The following CACNA1B variants were observed in gnomAD, a reference collection of about 807,000 sequenced individuals.
CACNA1B encodes voltage-dependent N-type calcium channel subunit alpha-1B.
CACNA1B carries 70 observed loss-of-function variants against 247.2 expected under a neutral mutation model. The observed-to-expected ratio is 0.28, with a 90% confidence interval of 0.23 to 0.35. The LOEUF (loss-of-function observed/expected upper bound fraction) is 0.35, where lower values mean the gene tolerates loss of function less well. Ranked by LOEUF, CACNA1B falls within the 10% of genes least tolerant of loss-of-function variation. The probability of loss-of-function intolerance (pLI) is 1.00; values close to 1 mark genes in which losing one functional copy is unlikely to be tolerated. For synonymous variants in CACNA1B, 1,231 were observed against 1,294.4 expected (o/e 0.95, Z 1.05); for missense variants, 2,367 against 3,197.4 (o/e 0.74, Z 6.26).
Position 138,074,074 on chromosome 9 carries a change from C to A in CACNA1B, c.4857+8C>A. ...GCCATCATCGGCATGCAGGTGGGTG[C>A]TCCCCTTTGGGACAGAGCGTGGTTC... On this transcript the variant is annotated splice_region_variant and intron_variant, in intron 34 of 46. Transcript: ENST00000371372. The A allele has an allele frequency of 6.2e-7, 1 of 1,609,300 alleles. No individual in the cohort carries two copies. Among genetic ancestry groups the A allele is most frequent in the Non-Finnish European group, 8.5e-7 (1 of 1,177,044 alleles).
chr9:137,912,484 A>G (rs1421734399), intron 3 of CACNA1B, among the ~76,000 whole-genome samples: 1 of 152,332 alleles, frequency 6.6e-6, no homozygotes, highest in East Asian at 1.9e-4. Context: ...AGAGCTCAAG[A>G]TAAGGAAGTG....
rs545357831 is a variant in CACNA1B at position 138,073,311 on chromosome 9, A to T, written c.4675-177A>T. On this transcript the variant is annotated intron_variant, in intron 32 of 46. Transcript: ENST00000371372. This position sits in a 1 kb window ranked among gnomAD's most constrained non-coding sequence, Gnocchi z 6.4. The stretch of plus-strand genomic sequence containing the variant: ...TTGCAAGGACAAGCTTTACTTCTGG[A>T]AGATTTTCTGGTGGCCGATTGCTGC... Among the ~76,000 whole-genome samples, 299 of 152,296 alleles carry T rather than the reference A, an allele frequency of 2.0e-3. No individual in the cohort carries two copies. The highest frequency in any genetic ancestry group is 3.1e-3 in the Non-Finnish European group (214 of 68,018).
intron 3 of CACNA1B, among the ~76,000 whole-genome samples, chr9:137,896,238 CAAAAAAAAAAAA>C (rs34505431): frequency 1.4e-5 from 1 of 69,768 alleles, no homozygotes; most frequent in African/African-American, 5.8e-5. Context: ...GACTCTGTCT[CAAAAAAAAAAAA>C]AAAAAAAAAA....
chr9:137,998,087 G>C (rs1958520727), intron 15 of CACNA1B, among the ~76,000 whole-genome samples: 1 of 152,132 alleles, frequency 6.6e-6, no homozygotes, highest in Non-Finnish European at 1.5e-5. Flanking sequence ...ACCAAATTCA[G>C]GACACAGTTT....
At chr9:138,000,334 G>A (rs7022795) in intron 15 of CACNA1B, among the ~76,000 whole-genome samples, 56,302 of 151,890 alleles carry the variant, frequency 0.37, 14,711 homozygotes, top group African/African-American at 0.73. Context: ...TCCTGACCTC[G>A]TGATCAGCCC....
chr9:137,998,616 T>G (rs1451358661), intron 15 of CACNA1B, among the ~76,000 whole-genome samples: 1 of 152,114 alleles, frequency 6.6e-6, no homozygotes, highest in African/African-American at 2.4e-5. Flanking sequence ...AGCTCATGTA[T>G]TAATATCAGC....
chr9:138,088,386 T>C (rs1226992212), intron 36 of CACNA1B, among the ~76,000 whole-genome samples: 1 of 151,968 alleles, frequency 6.6e-6, no homozygotes, highest in East Asian at 1.9e-4. Flanking sequence ...AAAAAATTGT[T>C]TTTTTGAAAA....
At chr9:138,030,862 C>A (rs1401317243) in intron 20 of CACNA1B, among the ~76,000 whole-genome samples, 1 of 152,004 alleles carries the variant, frequency 6.6e-6, no homozygotes, top group African/African-American at 2.4e-5. Flanking sequence ...CTTATTATCC[C>A]TTTGATGTCT....
At chr9:137,948,033 T>G (rs1957817990) in intron 6 of CACNA1B, among the ~76,000 whole-genome samples, 2 of 138,766 alleles carry the variant, frequency 1.4e-5, no homozygotes, top group Admixed American at 7.9e-5. Context: ...CAGGCTAGAG[T>G]GCAGTGGCAC....
chr9:138,087,901 G>A (rs1015469219), intron 36 of CACNA1B, among the ~76,000 whole-genome samples: 10 of 151,928 alleles, frequency 6.6e-5, no homozygotes, highest in African/African-American at 2.2e-4. Flanking sequence ...AGCAATAAAA[G>A]CCTACATCAG....
At chr9:138,029,420 TA>T (rs1482988833) in intron 20 of CACNA1B, among the ~76,000 whole-genome samples, 1 of 152,210 alleles carries the variant, frequency 6.6e-6, no homozygotes, top group African/African-American at 2.4e-5. Flanking sequence ...TTGGTCTGCT[TA>T]AACATTGTTG....
chr9:138,048,401 G>T (rs1424573353), intron 23 of CACNA1B, among the ~76,000 whole-genome samples: 1 of 152,220 alleles, frequency 6.6e-6, no homozygotes, highest in Non-Finnish European at 1.5e-5. Flanking sequence ...TGGAGATGGA[G>T]ACCTCAGTCT....
At chr9:138,006,489 C>G (rs1958652428) in intron 15 of CACNA1B, among the ~76,000 whole-genome samples, 1 of 152,202 alleles carries the variant, frequency 6.6e-6, no homozygotes, top group Non-Finnish European at 1.5e-5. Flanking sequence ...ACCTCCTTCT[C>G]CTGTTGGGAG....
intron 3 of CACNA1B, among the ~76,000 whole-genome samples, chr9:137,908,281 T>G (rs1301306064): frequency 1.3e-5 from 2 of 152,130 alleles, no homozygotes; most frequent in Non-Finnish European, 2.9e-5. Flanking sequence ...TTTGGGAGGC[T>G]GAGGCGGGCG....
At chr9:137,963,360 G>A (rs1372911672) in intron 10 of CACNA1B, among the ~76,000 whole-genome samples, 1 of 151,980 alleles carries the variant, frequency 6.6e-6, no homozygotes, top group Non-Finnish European at 1.5e-5. Context: ...TCTTTTAATT[G>A]GTGCATTTAG....
chr9:137,918,321 T>C (rs1436285987), intron 6 of CACNA1B, among the ~76,000 whole-genome samples: 1 of 152,054 alleles, frequency 6.6e-6, no homozygotes, highest in East Asian at 1.9e-4. Context: ...TGCCTCTTTA[T>C]AGGAAGGCCT....
chr9:137,970,827 G>A (rs1459425477), intron 10 of CACNA1B, among the ~76,000 whole-genome samples: 1 of 152,188 alleles, frequency 6.6e-6, no homozygotes, highest in Non-Finnish European at 1.5e-5. Flanking sequence ...GGTAGACAAA[G>A]TTTCCAACAG....
intron 36 of CACNA1B, among the ~76,000 whole-genome samples, chr9:138,087,818 G>T (rs1453507021): frequency 6.6e-6 from 1 of 151,814 alleles, no homozygotes; most frequent in Non-Finnish European, 1.5e-5. Context: ...CAGGGGCAGG[G>T]TAGGTGGAGA....
At chr9:137,941,638 T>C (rs1957732988) in intron 6 of CACNA1B, among the ~76,000 whole-genome samples, 1 of 152,196 alleles carries the variant, frequency 6.6e-6, no homozygotes, top group African/African-American at 2.4e-5. Flanking sequence ...AGCATGGTAC[T>C]GGTATAAAAA....
Sources: gnomAD v4.1 joint callset for allele counts (sites outside exome capture counted in the v4.1 genomes callset) on GRCh38, gnomAD v4.1.1 for gene constraint, Gnocchi (gnomAD v3.1) non-coding constraint, MANE v1.5 for transcripts, NCBI Gene and HGNC (gene_info 2026-07-23, HGNC 2026-07-21) for gene names.